CEP192: variants seen among roughly 807,000 people sequenced by gnomAD.
CEP192 encodes the protein centrosomal protein of 192 kDa.
A neutral mutation model predicts 271.8 loss-of-function variants in CEP192; 151 were observed. The ratio of observed to expected loss-of-function variants is 0.56; its 90% CI spans 0.49 to 0.64. CEP192 has a LOEUF of 0.64. CEP192 is among the 30% of genes least tolerant of loss of function. The pLI, the probability that CEP192 is intolerant of heterozygous loss-of-function variation, is 0.00. For synonymous variants in CEP192, 995 were observed against 1,076.5 expected (o/e 0.92, Z 1.48); for missense variants, 2,910 against 3,020.5 (o/e 0.96, Z 0.86).
intron 9 of CEP192, among the ~76,000 whole-genome samples, chr18:13,026,858 C>G (rs896604995): frequency 1.3e-5 from 2 of 152,152 alleles, no homozygotes; most frequent in African/African-American, 4.8e-5. Context: ...CTGAGTATAC[C>G]AACATCCCTG....
intron 42 of CEP192, among the ~76,000 whole-genome samples, chr18:13,115,814 G>A (rs145403853): frequency 1.3e-5 from 2 of 152,160 alleles, no homozygotes; most frequent in African/African-American, 2.4e-5. Context: ...GGACCATTGT[G>A]TAGTGACTGA....
In CEP192 at chr18:13,008,471, A is replaced by G. The variant is rs2034118057; in HGVS notation, c.306A>G (p.Lys102=). 3 of 1,546,794 alleles carry G rather than the reference A, an allele frequency of 1.9e-6. No homozygotes were observed. Among genetic ancestry groups the G allele is most frequent in the African/African-American group, 1.4e-5 (1 of 72,746 alleles). Reference sequence around the variant, plus strand: ...AATAAAAAAGTTCTATCTCTAGGAAAAAGAGCTATGTGGAAAGTCAACGTT... The same window carrying G: ...AATAAAAAAGTTCTATCTCTAGGAAGAAGAGCTATGTGGAAAGTCAACGTT... ...SFQDDDSISR[K]KSYVESQRLS... The change falls in exon 4 of 45, where the codon AAA becomes AAG. Residue 102 remains lysine, a synonymous_variant. Coordinates refer to ENST00000506447, the MANE Select transcript of CEP192 (RefSeq NM_032142.4).
At chr18:13,000,704 C>T (rs1221274290) in intron 2 of CEP192, among the ~76,000 whole-genome samples, 1 of 152,362 alleles carries the variant, frequency 6.6e-6, no homozygotes, top group South Asian at 2.1e-4. Flanking sequence ...CCTGTAATCC[C>T]AGCACTTTGG....
chr18:13,096,805 T>C (rs1173414443), intron 36 of CEP192, among the ~76,000 whole-genome samples: 1 of 152,202 alleles, frequency 6.6e-6, no homozygotes, highest in African/African-American at 2.4e-5. Context: ...TACTGTTTTC[T>C]ATGTAGAATA....
At chr18:13,063,594 C>T (rs2037524416) in intron 21 of CEP192, among the ~76,000 whole-genome samples, 1 of 152,022 alleles carries the variant, frequency 6.6e-6, no homozygotes, top group Admixed American at 6.6e-5. Context: ...GTTGTTTGAG[C>T]CCCTTATATA....
intron 21 of CEP192, among the ~76,000 whole-genome samples, chr18:13,062,521 G>A (rs1261965241): frequency 8.2e-6 from 1 of 121,730 alleles, no homozygotes; most frequent in Admixed American, 8.5e-5. Flanking sequence ...ATTTGGTACT[G>A]TTAGATTTTT....
intron 9 of CEP192, 42 bp from the exon 10 acceptor site, chr18:13,029,621 T>C (rs561510997): frequency 8.6e-4 from 1,029 of 1,200,816 alleles, no homozygotes; most frequent in Admixed American, 1.2e-3. Flanking sequence ...AAAACAAGAC[T>C]TACTGTTGCT....
At position 13,113,647 on chromosome 18, in the gene CEP192, G is replaced by T; in HGVS notation, c.7109G>T (p.Cys2370Phe). Residue 2370 changes from cysteine (C) to phenylalanine (F), a missense_variant, in exon 41 of 45, where the codon TGT becomes TTT. Physicochemically the swap from Cys to Phe is radical, Grantham distance 205. Coordinates refer to ENST00000506447, the MANE Select transcript of CEP192 (RefSeq NM_032142.4). Reference sequence around the variant, plus strand: ...TATGCCCAGTTTTGGGATGTTGAATGTCACCCTCTTAAGGAGCCTCACATG... The same window carrying T: ...TATGCCCAGTTTTGGGATGTTGAATTTCACCCTCTTAAGGAGCCTCACATG... ...GDYAQFWDVECHPLKEPHMKH... is the reference protein window; with the variant it reads ...GDYAQFWDVEFHPLKEPHMKH... 6.2e-7 allele frequency: 1 copy of T among 1,613,394 alleles called. No individual in the cohort carries two copies. Among genetic ancestry groups the T allele is most frequent in the Non-Finnish European group, 8.5e-7 (1 of 1,179,472 alleles).
chr18:13,049,517 C>T lies in CEP192; in HGVS notation c.2726C>T (p.Ser909Leu), dbSNP rs754880881. Residue 909 changes from serine to leucine, a missense_variant, in exon 16 of 45, where the codon TCA becomes TTA. Physicochemically the swap from Ser to Leu is moderately radical, Grantham distance 145 (BLOSUM62 -2). Coordinates refer to ENST00000506447, the MANE Select transcript of CEP192 (RefSeq NM_032142.4). The part of the protein sequence containing the change: ...SISTPSDSYS[S>L]VRNPRITSLC... ...TCCACTCCATCTGATAGTTATTCAT[C>T]AGTGAGGAACCCCAGAATAACATCC... 2.5e-6 allele frequency: 4 copies of T among 1,613,958 alleles called. No individual in the cohort carries two copies. The Admixed American group carries it at 6.7e-5, about 27-fold the overall frequency.
At chr18:13,122,504 C>T (rs1295372567) in intron 44 of CEP192, among the ~76,000 whole-genome samples, 1 of 151,812 alleles carries the variant, frequency 6.6e-6, no homozygotes, top group African/African-American at 2.4e-5. Context: ...TGGCTTGAAC[C>T]AGGGAAACAG....
At chr18:13,122,909 A>T (rs2040739396) in intron 44 of CEP192, among the ~76,000 whole-genome samples, 1 of 152,288 alleles carries the variant, frequency 6.6e-6, no homozygotes, top group East Asian at 1.9e-4. Flanking sequence ...ACTTTTTAAA[A>T]TATATCCATC....
At chr18:13,017,566 C>T (rs192948123) in intron 7 of CEP192, among the ~76,000 whole-genome samples, 2 of 152,332 alleles carry the variant, frequency 1.3e-5, no homozygotes, top group African/African-American at 2.4e-5. Flanking sequence ...ACACCCTCTT[C>T]CTCCAGTTAA....
chr18:13,030,660 T>C (rs1182478967), intron 11 of CEP192, 52 bp downstream of exon 11: 1 of 1,427,730 alleles, frequency 7.0e-7, no homozygotes, highest in Admixed American at 1.8e-5. Context: ...TTCTGATCTT[T>C]CTAAGATTAC....
chr18:13,034,899 A>AT (rs1336882218), intron 11 of CEP192, among the ~76,000 whole-genome samples: 1 of 150,982 alleles, frequency 6.6e-6, no homozygotes, highest in Non-Finnish European at 1.5e-5. Context: ...AGCTCCATCT[A>AT]TTCAAGGTGC....
chr18:13,075,004 C>T (rs1044202528), intron 30 of CEP192, among the ~76,000 whole-genome samples: 9 of 152,164 alleles, frequency 5.9e-5, no homozygotes, highest in Admixed American at 2.0e-4. Flanking sequence ...TGGGCACTAC[C>T]CTCAATCACT....
intron 38 of CEP192, among the ~76,000 whole-genome samples, chr18:13,101,328 G>A (rs978145352): frequency 6.6e-6 from 1 of 152,254 alleles, no homozygotes; most frequent in South Asian, 2.1e-4. Context: ...AGGCAGGCTC[G>A]GCTTAGGGTA....
chr18:13,114,369 G>T, intron 42 of CEP192, 118 bp downstream of exon 42: 2 of 1,040,090 alleles, frequency 1.9e-6, no homozygotes, highest in Non-Finnish European at 2.8e-6. Context: ...CTCCAACCAA[G>T]ATACAGAATA....
At chr18:13,071,298 C>A in intron 28 of CEP192, 86 bp downstream of exon 28, 1 of 1,149,982 alleles carries the variant, frequency 8.7e-7, no homozygotes, top group South Asian at 1.5e-5. Context: ...AAAATTTTGT[C>A]ATAATAGACA....
At chr18:13,060,061 A>G (rs757486307) in intron 21 of CEP192, among the ~76,000 whole-genome samples, 3 of 152,222 alleles carry the variant, frequency 2.0e-5, no homozygotes, top group Non-Finnish European at 2.9e-5. Flanking sequence ...GTCTTGATAC[A>G]GTCCTGAGTC....
Sources: allele counts gnomAD v4.1 joint callset (sites outside exome capture counted in the v4.1 genomes callset), GRCh38; gene constraint gnomAD v4.1.1; transcripts MANE v1.5; gene names NCBI Gene and HGNC (gene_info 2026-07-23, HGNC 2026-07-21).